Variants in FHAD1 observed in about 807,000 individuals in gnomAD.
FHAD1 encodes the protein forkhead associated phosphopeptide binding domain 1, also known as forkhead-associated domain-containing protein 1.
Under a neutral mutation model 191.3 loss-of-function variants are expected in FHAD1, and 146 were observed. The observed-to-expected ratio is 0.76, with a 90% CI of 0.67 to 0.88. FHAD1 has a LOEUF of 0.88. Among genes scored for constraint, FHAD1 ranks in the 40% least tolerant of loss-of-function variants. The pLI is 0.00. For synonymous variants in FHAD1, 616 were observed against 672.3 expected (o/e 0.92, Z 1.29); for missense variants, 1,635 against 1,785.8 (o/e 0.92, Z 1.52).
rs34598860 is a variant in FHAD1 at position 15,256,645 on chromosome 1, C to CA, written c.93+4795dup. 8.7e-3 allele frequency among the ~76,000 whole-genome samples: 621 copies of CA among 71,250 alleles called. 47 individuals are homozygous for CA. The highest frequency in any genetic ancestry group is 0.035 in the African/African-American group (502 of 14,466). The allele number at this position is 71,250 out of a possible 152,430, so 46.7% of individuals were successfully genotyped here. A position where few individuals can be genotyped will look rare whatever the true frequency, so the allele number is the denominator to read the frequency against. On this transcript the variant is annotated intron_variant, in intron 2 of 33. Transcript: ENST00000688493. ...CTGGGCCACAAAACAAGACTCTGTC[C>CA]AAAAAAAAAAAAAAAAAAAAAAAAA... is the stretch of plus-strand genomic sequence containing the variant.
intron 33 of FHAD1, among the ~76,000 whole-genome samples, chr1:15,396,360 A>G (rs1705965958): frequency 6.6e-6 from 1 of 151,800 alleles, no homozygotes; most frequent in South Asian, 2.1e-4. Context: ...AAGGAAAGCA[A>G]TATCTGTATA....
At chr1:15,305,456 C>T (rs1037563517) in intron 6 of FHAD1, among the ~76,000 whole-genome samples, 1 of 152,092 alleles carries the variant, frequency 6.6e-6, no homozygotes, top group South Asian at 2.1e-4. Flanking sequence ...GGATTTGGAT[C>T]GTAACTCTAC....
intron 2 of FHAD1, among the ~76,000 whole-genome samples, chr1:15,253,594 T>C (rs751208720): frequency 7.2e-5 from 11 of 152,204 alleles, no homozygotes; most frequent in Non-Finnish European, 5.9e-5. Flanking sequence ...TAAATGGTAT[T>C]ATACTTTAAA....
At position 15,357,625 on chromosome 1, in the gene FHAD1, CAAA is replaced by C. The variant is rs71000395; in HGVS notation, c.2563-465_2563-463del. On this transcript the variant is annotated intron_variant, in intron 20 of 33. Coordinates refer to ENST00000688493, the MANE Select transcript of FHAD1 (RefSeq NM_001391957.1). ...GTGACAATGCGAGACTCCTCCGTCT[CAAA>C]AAAAAAAAAAAAAAAAAAAGGAGAA... Among the ~76,000 whole-genome samples, 311 of 76,106 alleles carry C rather than the reference CAAA, an allele frequency of 4.1e-3. 1 individual carries two copies. Among genetic ancestry groups the C allele is most frequent in the African/African-American group, 0.013 (293 of 21,964 alleles). The allele number at this position is 76,106 out of a possible 152,430, so 49.9% of individuals were successfully genotyped here.
At chr1:15,333,367 G>A (rs1308141989) in intron 14 of FHAD1, among the ~76,000 whole-genome samples, 1 of 152,040 alleles carries the variant, frequency 6.6e-6, no homozygotes, top group East Asian at 1.9e-4. Context: ...GGAAGGAGGA[G>A]GGCGATGATG....
rs375295530 is a variant in FHAD1, at chr1:15,374,549, C to G, written c.3495C>G (p.His1165Gln). 5.2e-6 allele frequency: 8 copies of G among 1,551,716 alleles called. No homozygotes were observed. The highest frequency in any genetic ancestry group is 7.0e-6 in the Non-Finnish European group (8 of 1,146,998). The change falls in exon 27 of 34, where the codon CAC becomes CAG. Residue 1165 changes from histidine to glutamine, a missense_variant. By Grantham distance (24) the His-to-Gln change is conservative. Coordinates refer to ENST00000688493, the MANE Select transcript of FHAD1 (RefSeq NM_001391957.1). ...GGGTCAGGTGCAAAGGGTCCCGGCA[C>G]GAGGAGGTCATTCAGCGTCAGAAAA... ...DLGVRCKGSRHEEVIQRQKKA... is the reference protein window; with the variant it reads ...DLGVRCKGSRQEEVIQRQKKA...
At chr1:15,363,413 G>A (rs963058199) in intron 23 of FHAD1, among the ~76,000 whole-genome samples, 2 of 152,192 alleles carry the variant, frequency 1.3e-5, no homozygotes, top group African/African-American at 4.8e-5. Context: ...TGGAGGGGAT[G>A]AACATTCAAA....
At chr1:15,371,345 G>A (rs531436804) in intron 26 of FHAD1, among the ~76,000 whole-genome samples, 51 of 152,312 alleles carry the variant, frequency 3.3e-4, no homozygotes, top group Middle Eastern at 3.4e-3. Context: ...TATGTGGAAG[G>A]ATTAGTGGAG....
chr1:15,345,272 C>A, intron 17 of FHAD1, 82 bp downstream of exon 17: 1 of 1,389,762 alleles, frequency 7.2e-7, no homozygotes, highest in Non-Finnish European at 1.0e-6. Flanking sequence ...TCTGGGCCCG[C>A]CGGCTCTGAG....
intron 14 of FHAD1, among the ~76,000 whole-genome samples, chr1:15,330,493 A>G (rs74057305): frequency 0.012 from 1,839 of 152,286 alleles, 45 homozygotes; most frequent in African/African-American, 0.042. Context: ...ACTGGGGAAA[A>G]AAACAGGCCC....
At chr1:15,244,569 A>G (rs1400053605), upstream of FHAD1, among the ~76,000 whole-genome samples, 3 of 152,142 alleles carry the variant, frequency 2.0e-5, no homozygotes, top group Non-Finnish European at 4.4e-5. The surrounding 1 kb of genome is among the most constrained non-coding windows in gnomAD (Gnocchi z 5.1). Flanking sequence ...AGAAGCCGAC[A>G]TCCTGGGGCG....
At chr1:15,339,374 G>T in intron 14 of FHAD1, 107 bp from the exon 15 acceptor site, 2 of 432,176 alleles carry the variant, frequency 4.6e-6, no homozygotes, top group Non-Finnish European at 4.2e-6. Flanking sequence ...AGGTTGGATG[G>T]CAGCTCACGT....
intron 26 of FHAD1, 62 bp downstream of exon 26, chr1:15,369,564 G>C: frequency 6.6e-7 from 1 of 1,514,096 alleles, no homozygotes; most frequent in Non-Finnish European, 8.9e-7. Context: ...AGTGGTGGCT[G>C]TCTTTCCTTT....
At chr1:15,378,707 A>G (rs1700212855) in intron 28 of FHAD1, among the ~76,000 whole-genome samples, 1 of 152,150 alleles carries the variant, frequency 6.6e-6, no homozygotes. Flanking sequence ...ACACTTACCT[A>G]TCACAGTCAC....
chr1:15,287,543 C>CTCATTA (rs1013721593), intron 3 of FHAD1, among the ~76,000 whole-genome samples: 4 of 152,182 alleles, frequency 2.6e-5, no homozygotes, highest in African/African-American at 9.7e-5. Flanking sequence ...CAAGAAGTCA[C>CTCATTA]TCATTATCAC....
At chr1:15,307,131 T>A (rs1005043078) in intron 6 of FHAD1, among the ~76,000 whole-genome samples, 1 of 152,212 alleles carries the variant, frequency 6.6e-6, no homozygotes, top group African/African-American at 2.4e-5. Flanking sequence ...ATGTGAGACC[T>A]GGAGTCAAAA....
chr1:15,251,805 C>A lies in FHAD1; in HGVS notation c.21C>A (p.Ser7Arg). The change falls in exon 2 of 34, where the codon AGC (serine) becomes AGA (arginine). Residue 7 changes from serine (S) to arginine (R), a missense_variant. By Grantham distance (110) the Ser-to-Arg change is moderately radical (BLOSUM62 -1). Coordinates refer to ENST00000688493, the MANE Select transcript of FHAD1 (RefSeq NM_001391957.1). ...AGAGGATGAAGGCCTATCTAAAGAG[C>A]GCAGAAGGCTTTTTTGTCCTAAATA... is the stretch of plus-strand genomic sequence containing the variant. MKAYLK[S>R]AEGFFVLNKS... 1 of 1,551,998 alleles carries A rather than the reference C, an allele frequency of 6.4e-7. No individual in the cohort carries two copies. Among genetic ancestry groups the A allele is most frequent in the South Asian group, 1.2e-5 (1 of 84,026 alleles).
At chr1:15,401,029 T>C (rs556453277), downstream of FHAD1, among the ~76,000 whole-genome samples, 1 of 152,344 alleles carries the variant, frequency 6.6e-6, no homozygotes. Flanking sequence ...TCCCAATGAC[T>C]TTCTGATTCC....
At chr1:15,317,735 C>A in intron 9 of FHAD1, 89 bp from the exon 10 acceptor site, 3 of 778,120 alleles carry the variant, frequency 3.9e-6, no homozygotes, top group Non-Finnish European at 6.3e-6. Flanking sequence ...GGATGGGATG[C>A]CAGGGGATGA....
Sources: allele counts gnomAD v4.1 joint callset (sites outside exome capture counted in the v4.1 genomes callset), GRCh38; gene constraint gnomAD v4.1.1; non-coding constraint Gnocchi (gnomAD v3.1); transcripts MANE v1.5; gene names NCBI Gene and HGNC (gene_info 2026-07-23, HGNC 2026-07-21).